The following FBXW11 variants were observed in gnomAD, a reference collection of about 807,000 sequenced individuals.
FBXW11 encodes F-box and WD repeat domain containing 11, also known as F-box/WD repeat-containing protein 11.
Under a neutral mutation model 77.6 loss-of-function variants are expected in FBXW11, and 19 were observed. The observed-to-expected ratio is 0.24, with a 90% CI of 0.17 to 0.36. FBXW11 has a LOEUF of 0.36. Ranked by LOEUF, FBXW11 falls within the 10% of genes least tolerant of loss-of-function variation. The pLI, the probability that FBXW11 is intolerant of heterozygous loss-of-function variation, is 1.00. For synonymous variants in FBXW11, 235 were observed against 249.4 expected (o/e 0.94, Z 0.54); for missense variants, 334 against 704.2 (o/e 0.47, Z 5.95).
At chr5:171,889,212 T>A (rs1220039637) in intron 7 of FBXW11, among the ~76,000 whole-genome samples, 1 of 152,122 alleles carries the variant, frequency 6.6e-6, no homozygotes. Context: ...AAGAAAAAAC[T>A]GGTAAGTTGG....
intron 1 of FBXW11, among the ~76,000 whole-genome samples, chr5:171,960,721 A>G (rs987255234): frequency 3.9e-5 from 6 of 152,236 alleles, no homozygotes; most frequent in African/African-American, 1.4e-4. Flanking sequence ...CAAATTAGAA[A>G]AACAATGATA....
Position 171,876,553 on chromosome 5 carries a change from G to T in FBXW11, c.972-19C>A. ...CCACACTCTAGGAGAGAAGAGAAAA[G>T]CATGATGCTTAATTATGGAGACAGC... On this transcript the variant is annotated intron_variant, in intron 8 of 13. Coordinates refer to ENST00000517395, the MANE Select transcript of FBXW11 (RefSeq NM_001378974.1). The surrounding 1 kb of genome is among the most constrained non-coding windows in gnomAD (Gnocchi z 4.2). The T allele has an allele frequency of 1.2e-6, 2 of 1,608,170 alleles. No homozygotes were observed. The highest frequency in any genetic ancestry group is 8.5e-7 in the Non-Finnish European group (1 of 1,175,026).
intron 1 of FBXW11, among the ~76,000 whole-genome samples, chr5:171,981,938 T>A (rs1172225683): frequency 6.6e-6 from 1 of 152,246 alleles, no homozygotes. Flanking sequence ...GTGCATCTTG[T>A]ATGATTCCAT....
intron 2 of FBXW11, among the ~76,000 whole-genome samples, chr5:171,927,941 T>C (rs951419819): frequency 2.6e-5 from 4 of 152,230 alleles, no homozygotes. Context: ...CTACAAGTTA[T>C]TAAATCTAAG....
At chr5:171,934,172 T>C (rs576006560) in intron 2 of FBXW11, among the ~76,000 whole-genome samples, 2 of 152,312 alleles carry the variant, frequency 1.3e-5, no homozygotes, top group East Asian at 1.9e-4. Flanking sequence ...TACTGCAAAC[T>C]GATTTAAATA....
chr5:171,871,590 G>GT (rs1186518622), intron 10 of FBXW11, among the ~76,000 whole-genome samples: 1 of 152,210 alleles, frequency 6.6e-6, no homozygotes, highest in Non-Finnish European at 1.5e-5. Flanking sequence ...TATGATTTAT[G>GT]TAACAATTCT....
chr5:171,952,968 A>G (rs917014541), intron 2 of FBXW11, among the ~76,000 whole-genome samples: 10 of 151,616 alleles, frequency 6.6e-5, no homozygotes, highest in African/African-American at 2.4e-4. Flanking sequence ...AAGACAAAAG[A>G]TTGGACACCC....
rs562549338 is a variant in FBXW11, at chr5:171,876,009, T to G, written c.1221+276A>C. 5.3e-5 allele frequency among the ~76,000 whole-genome samples: 8 copies of G among 152,012 alleles called. No individual in the cohort carries two copies. Among genetic ancestry groups the G allele is most frequent in the African/African-American group, 1.9e-4 (8 of 41,358 alleles). On this transcript the variant is annotated intron_variant, in intron 9 of 13. Coordinates refer to ENST00000517395, the MANE Select transcript of FBXW11 (RefSeq NM_001378974.1). The surrounding 1 kb of genome is among the most constrained non-coding windows in gnomAD (Gnocchi z 4.2). ...ATAATGTAAAGCTCCCAACACACAATACATGATCAACACGTTAGCACTCTT... is the reference window on the plus strand; with the variant it reads ...ATAATGTAAAGCTCCCAACACACAAGACATGATCAACACGTTAGCACTCTT...
chr5:171,874,687 A>G lies in FBXW11; in HGVS notation c.1221+1598T>C, dbSNP rs1757960791. On this transcript the variant is annotated intron_variant, in intron 9 of 13. Transcript: ENST00000517395. Reference sequence around the variant, plus strand: ...TAAAATGGTACAGCGCCTTTGGAAAACAGTTTGGCAGTTCCTCAAAATGCT... The same window carrying G: ...TAAAATGGTACAGCGCCTTTGGAAAGCAGTTTGGCAGTTCCTCAAAATGCT... Among the ~76,000 whole-genome samples the G allele has an allele frequency of 2.0e-5, 3 of 149,756 alleles. No individual in the cohort carries two copies. In the South Asian group the frequency reaches 6.3e-4, roughly 32 times the overall value.
intron 1 of FBXW11, among the ~76,000 whole-genome samples, chr5:171,989,115 T>G (rs774206463): frequency 6.6e-6 from 1 of 152,278 alleles, no homozygotes; most frequent in Non-Finnish European, 1.5e-5. Flanking sequence ...AGGTGGAGGT[T>G]GCAGTGAACT....
At chr5:171,878,534 C>G (rs576457263) in intron 7 of FBXW11, among the ~76,000 whole-genome samples, 1 of 149,112 alleles carries the variant, frequency 6.7e-6, no homozygotes, top group African/African-American at 2.5e-5. Context: ...GGGCAACATA[C>G]CAAGCCAATC....
chr5:171,951,841 T>C (rs1763335147), intron 2 of FBXW11, among the ~76,000 whole-genome samples: 1 of 152,276 alleles, frequency 6.6e-6, no homozygotes, highest in African/African-American at 2.4e-5. Flanking sequence ...TTTGTAAAAC[T>C]TTGAGGCATT....
chr5:171,899,768 T>C, intron 5 of FBXW11, 146 bp downstream of exon 5: 1 of 680,050 alleles, frequency 1.5e-6, no homozygotes, highest in Non-Finnish European at 2.5e-6. Context: ...CAGCTTTAAC[T>C]TTTTCTTCCA....
chr5:171,868,619 G>C lies in FBXW11; in HGVS notation c.*16C>G. On this transcript the variant is annotated 3_prime_UTR_variant, in exon 13 of 14. Transcript: ENST00000517395. ...AGAGGATAGTACTCACCTGAAACGG[G>C]TGAAAGTGCAGACTGTTATCTAGAG... 4 of 1,609,030 alleles carry C rather than the reference G, an allele frequency of 2.5e-6. No individual in the cohort carries two copies. The highest frequency in any genetic ancestry group is 3.4e-6 in the Non-Finnish European group (4 of 1,178,136).
intron 2 of FBXW11, among the ~76,000 whole-genome samples, chr5:171,929,777 G>A (rs1489663161): frequency 2.0e-5 from 3 of 151,820 alleles, no homozygotes; most frequent in Non-Finnish European, 2.9e-5. Context: ...GCATGAACCC[G>A]GGAGGCGGAG....
intron 1 of FBXW11, among the ~76,000 whole-genome samples, chr5:171,982,886 C>G (rs1765225329): frequency 6.6e-6 from 1 of 152,064 alleles, no homozygotes; most frequent in Admixed American, 6.6e-5. Flanking sequence ...CAGGGGAAGG[C>G]ATGCCGATGT....
At chr5:171,885,033 C>A (rs2113815627) in intron 7 of FBXW11, among the ~76,000 whole-genome samples, 1 of 152,266 alleles carries the variant, frequency 6.6e-6, no homozygotes, top group African/African-American at 2.4e-5. Flanking sequence ...ACAAGTACTT[C>A]TCAGTTCTTC....
intron 1 of FBXW11, among the ~76,000 whole-genome samples, chr5:171,997,939 T>C (rs546470588): frequency 1.6e-4 from 24 of 152,224 alleles, no homozygotes; most frequent in Non-Finnish European, 3.4e-4. Context: ...ACCTACCTTA[T>C]TGAAAAGCTA....
At chr5:171,999,619 G>A (rs528515458) in intron 1 of FBXW11, among the ~76,000 whole-genome samples, 1 of 151,936 alleles carries the variant, frequency 6.6e-6, no homozygotes, top group South Asian at 2.1e-4. Context: ...ATATTTTATT[G>A]TTAGTTACCA....
Sources: gnomAD v4.1 joint callset for allele counts (sites outside exome capture counted in the v4.1 genomes callset) on GRCh38, gnomAD v4.1.1 for gene constraint, Gnocchi (gnomAD v3.1) non-coding constraint, MANE v1.5 for transcripts, NCBI Gene and HGNC (gene_info 2026-07-23, HGNC 2026-07-21) for gene names.